DNAAF9: variants seen among roughly 807,000 people sequenced by gnomAD.
The protein encoded by DNAAF9 is shulin.
DNAAF9 carries 90 observed loss-of-function variants against 167.0 expected under a neutral mutation model. The observed-to-expected ratio is 0.54, with a 90% CI of 0.45 to 0.64. The LOEUF (loss-of-function observed/expected upper bound fraction) is 0.64, where lower values mean the gene tolerates loss of function less well. Ranked by LOEUF, DNAAF9 falls within the 30% of genes least tolerant of loss-of-function variation. The pLI, the probability that DNAAF9 is intolerant of heterozygous loss-of-function variation, is 0.00. For synonymous variants in DNAAF9, 491 were observed against 508.8 expected, an observed-to-expected ratio of 0.96 and a Z score of 0.47; for missense variants, 1,315 against 1,442.2, an observed-to-expected ratio of 0.91 and a Z score of 1.43.
chr20:3,283,645 T>C (rs2068800194), intron 27 of DNAAF9, among the ~76,000 whole-genome samples: 1 of 152,252 alleles, frequency 6.6e-6, no homozygotes, highest in Non-Finnish European at 1.5e-5. Flanking sequence ...GGCTGGCGTG[T>C]GCATGCTGTT....
At chr20:3,362,348 G>A (rs1046469512) in intron 6 of DNAAF9, 14 of 643,912 alleles carry the variant, frequency 2.2e-5, no homozygotes, top group South Asian at 1.8e-4. Flanking sequence ...CGCTTGAAGC[G>A]GTTTATTAAT....
In DNAAF9 at chr20:3,401,395, G is replaced by GT. The variant is rs767501700; in HGVS notation, c.83+6079dup. On this transcript the variant is annotated intron_variant, in intron 1 of 36. Transcript: ENST00000252032. ...TTTTGTTATTTTTAGTAGAGATGGG[G>GT]TTTTTCCAAGGCCAGGCTGGTCTTG... Among the ~76,000 whole-genome samples the GT allele has an allele frequency of 1.6e-3, 250 of 151,996 alleles. 3 individuals are homozygous for GT. The highest frequency in any genetic ancestry group is 3.4e-4 in the Non-Finnish European group (23 of 67,956).
chr20:3,336,252 GTTTTTGTTTT>G (rs893864402), intron 10 of DNAAF9, among the ~76,000 whole-genome samples: 2 of 81,444 alleles, frequency 2.5e-5, no homozygotes, highest in Non-Finnish European at 4.9e-5. Context: ...ACAGTTTTGC[GTTTTTGTTTT>G]TTTTTTTTTT....
At chr20:3,366,447 T>A (rs2083434022) in intron 6 of DNAAF9, among the ~76,000 whole-genome samples, 1 of 152,164 alleles carries the variant, frequency 6.6e-6, no homozygotes, top group African/African-American at 2.4e-5. Flanking sequence ...AGATGTGCTA[T>A]CATCCAGCCT....
chr20:3,394,820 C>T (rs1239533190), intron 1 of DNAAF9, among the ~76,000 whole-genome samples: 1 of 152,032 alleles, frequency 6.6e-6, no homozygotes, highest in Non-Finnish European at 1.5e-5. Context: ...AAAAAATAAT[C>T]AGAGCTTTAA....
Position 3,322,797 on chromosome 20 carries a change from G to C in DNAAF9, c.1266-101C>G. On this transcript the variant is annotated intron_variant, in intron 14 of 36. Coordinates refer to ENST00000252032, the MANE Select transcript of DNAAF9 (RefSeq NM_001009984.3). The stretch of plus-strand genomic sequence containing the variant: ...GGGATTCTCAAGGCCACACAGTGAG[G>C]TGTGTGTCATCCTTGCTTTACACAG... 5 of 843,864 alleles carry C rather than the reference G, an allele frequency of 5.9e-6. No individual in the cohort carries two copies. In the South Asian group the frequency reaches 6.6e-5, roughly 11 times the overall value. 52.3% of individuals were successfully genotyped at this position (843,864 alleles called of 1,614,324 possible).
intron 14 of DNAAF9, among the ~76,000 whole-genome samples, chr20:3,324,234 G>C (rs773536062): frequency 6.6e-6 from 1 of 152,106 alleles, no homozygotes; most frequent in Non-Finnish European, 1.5e-5. Flanking sequence ...AAGAAAATGT[G>C]GGACATAGAC....
intron 29 of DNAAF9, among the ~76,000 whole-genome samples, chr20:3,272,465 G>A (rs1320192868): frequency 6.6e-6 from 1 of 152,120 alleles, no homozygotes; most frequent in Non-Finnish European, 1.5e-5. Context: ...GGGCTCAAGT[G>A]ATCCTCATGC....
chr20:3,348,735 T>C (rs1600833232), intron 7 of DNAAF9, 112 bp from the exon 8 acceptor site: 2 of 583,396 alleles, frequency 3.4e-6, no homozygotes, highest in East Asian at 5.7e-5. Context: ...TTTATATATG[T>C]TATTTTACAA....
chr20:3,295,704 G>C (rs878956312), intron 23 of DNAAF9: 1 of 561,422 alleles, frequency 1.8e-6, no homozygotes, highest in Non-Finnish European at 3.5e-6. Context: ...GCCTGCAACC[G>C]TCCCCTTTTA....
Position 3,310,333 on chromosome 20 carries a change from A to AAAG in DNAAF9, c.1678+4699_1678+4700insCTT, listed in dbSNP as rs1555790607. Among the ~76,000 whole-genome samples the AAAG allele has an allele frequency of 8.9e-4, 94 of 106,182 alleles. 3 individuals are homozygous for AAAG. Among genetic ancestry groups the AAAG allele is most frequent in the Non-Finnish European group, 1.4e-3 (75 of 52,410 alleles). 69.7% of individuals were successfully genotyped at this position (106,182 alleles called of 152,430 possible). A position where few individuals can be genotyped will look rare whatever the true frequency, so the allele number is the denominator to read the frequency against. On this transcript the variant is annotated intron_variant, in intron 20 of 36. Transcript: ENST00000252032. ...GAAAGAAAGAAAGGAAAGAGAAAGA[A>AAAG]AAAGAAAGAAAGAAAGAAAGAAAGA...
At chr20:3,337,702 A>T (rs2069990195) in intron 10 of DNAAF9, among the ~76,000 whole-genome samples, 1 of 151,260 alleles carries the variant, frequency 6.6e-6, no homozygotes, top group Non-Finnish European at 1.5e-5. Flanking sequence ...TTAATAACTA[A>T]TCGAAGTCCA....
At chr20:3,291,369 G>A (rs1305802763) in intron 25 of DNAAF9, among the ~76,000 whole-genome samples, 1 of 149,644 alleles carries the variant, frequency 6.7e-6, no homozygotes, top group Non-Finnish European at 1.5e-5. Flanking sequence ...TTTTGAGACG[G>A]AGTCTCGCTC....
At position 3,250,615 on chromosome 20, in the gene DNAAF9, G is replaced by A. The variant is rs986364866; in HGVS notation, c.*1957C>T. On this transcript the variant is annotated 3_prime_UTR_variant, in exon 37 of 37. Coordinates refer to ENST00000252032, the MANE Select transcript of DNAAF9 (RefSeq NM_001009984.3). ...GAGCATTTCTGTGAAGAGAAACAAA[G>A]ACCACCACGTAGTACAGCCCCACAT... The A allele has an allele frequency of 6.6e-6, 1 of 152,214 alleles. No homozygotes were observed. The highest frequency in any genetic ancestry group is 1.5e-5 in the Non-Finnish European group (1 of 68,040). 9.4% of individuals were successfully genotyped at this position (152,214 alleles called of 1,614,324 possible). A position where few individuals can be genotyped will look rare whatever the true frequency, so the allele number is the denominator to read the frequency against.
At chr20:3,343,359 C>T (rs2070124717) in intron 9 of DNAAF9, among the ~76,000 whole-genome samples, 1 of 152,082 alleles carries the variant, frequency 6.6e-6, no homozygotes, top group African/African-American at 2.4e-5. Flanking sequence ...GATGGTCAGC[C>T]TGGTCTCGAA....
Position 3,375,012 on chromosome 20 carries a change from T to G in DNAAF9, c.505+18A>C, listed in dbSNP as rs1163628529. ...CCACCTAAGCAAGGTTCTAGAAGGCTTGCTGTCAGATACTCACCTTGGGAG... is the reference window on the plus strand; with the variant it reads ...CCACCTAAGCAAGGTTCTAGAAGGCGTGCTGTCAGATACTCACCTTGGGAG... On this transcript the variant is annotated intron_variant, in intron 5 of 36. Coordinates refer to ENST00000252032, the MANE Select transcript of DNAAF9 (RefSeq NM_001009984.3). 2 of 1,395,602 alleles carry G rather than the reference T, an allele frequency of 1.4e-6. No individual in the cohort carries two copies. Among genetic ancestry groups the G allele is most frequent in the Admixed American group, 1.7e-5 (1 of 59,388 alleles). The allele number at this position is 1,395,602 out of a possible 1,614,324, so 86.5% of individuals were successfully genotyped here. A position where few individuals can be genotyped will look rare whatever the true frequency, so the allele number is the denominator to read the frequency against.
intron 27 of DNAAF9, among the ~76,000 whole-genome samples, chr20:3,285,602 C>A (rs551484597): frequency 3.2e-4 from 48 of 149,496 alleles, no homozygotes; most frequent in African/African-American, 1.1e-3. Flanking sequence ...TTGCTTGAAC[C>A]CAGGAGGCGG....
intron 1 of DNAAF9, among the ~76,000 whole-genome samples, chr20:3,393,311 G>A (rs897276324): frequency 2.0e-5 from 3 of 151,968 alleles, no homozygotes; most frequent in African/African-American, 4.8e-5. Context: ...TCAGGAGTTC[G>A]AGACCAGCCT....
intron 30 of DNAAF9, 103 bp downstream of exon 30, chr20:3,270,324 C>T (rs2074616555): frequency 8.7e-7 from 1 of 1,146,938 alleles, no homozygotes; most frequent in African/African-American, 1.5e-5. Flanking sequence ...CTGACTTCTC[C>T]AAATGTTTAG....
Sources: allele counts gnomAD v4.1 joint callset (sites outside exome capture counted in the v4.1 genomes callset), GRCh38; gene constraint gnomAD v4.1.1; transcripts MANE v1.5; gene names NCBI Gene and HGNC (gene_info 2026-07-23, HGNC 2026-07-21).